Variants in PHC3 observed in about 807,000 individuals in gnomAD.
The protein encoded by PHC3 is polyhomeotic-like protein 3.
In PHC3, 13 loss-of-function variants were observed where a neutral mutation model predicts 107.4. That is an observed-to-expected ratio of 0.12 (90% confidence interval 0.08 to 0.19). The LOEUF (loss-of-function observed/expected upper bound fraction) is 0.19, where lower values mean the gene tolerates loss of function less well. Among genes scored for constraint, PHC3 ranks in the 10% least tolerant of loss-of-function variants. PHC3 has a pLI of 1.00. For missense variants in PHC3, 992 were observed against 1,210.9 expected, an observed-to-expected ratio of 0.82 and a Z score of 2.68; for synonymous variants, 456 against 427.4, an observed-to-expected ratio of 1.07 and a Z score of -0.83.
rs1162187672 is a variant in PHC3, at chr3:170,088,542, GAAGGA to G, written c.*8683_*8687del. The G allele has an allele frequency of 1.3e-5, 2 of 152,142 alleles. No homozygotes were observed. The highest frequency in any genetic ancestry group is 2.9e-5 in the Non-Finnish European group (2 of 67,996). 9.4% of individuals were successfully genotyped at this position (152,142 alleles called of 1,614,324 possible). ...TAGGAAAAACAAAGACCAAGCTTTTGAAGGAGAGGACTGGGAATCTAGTTTAAATG... is the reference window on the plus strand; with the variant it reads ...TAGGAAAAACAAAGACCAAGCTTTTGGAGGACTGGGAATCTAGTTTAAATG... On this transcript the variant is annotated 3_prime_UTR_variant, in exon 15 of 15. Transcript: ENST00000495893.
intron 11 of PHC3, among the ~76,000 whole-genome samples, chr3:170,111,166 C>G (rs1396623608): frequency 6.6e-6 from 1 of 151,768 alleles, no homozygotes; most frequent in Non-Finnish European, 1.5e-5. Flanking sequence ...TATTATTTTG[C>G]TATGTGTGAT....
chr3:170,165,566 A>T (rs940405034), intron 4 of PHC3, among the ~76,000 whole-genome samples: 1 of 151,864 alleles, frequency 6.6e-6, no homozygotes, highest in Non-Finnish European at 1.5e-5. Flanking sequence ...TGGCCTGGCC[A>T]AAATGGGAGA....
chr3:170,162,537 T>A lies in PHC3; in HGVS notation c.414+8836A>T, dbSNP rs1728056810. 2.0e-5 allele frequency among the ~76,000 whole-genome samples: 3 copies of A among 152,160 alleles called. No homozygotes were observed. The South Asian group carries it at 6.2e-4, about 32-fold the overall frequency. On this transcript the variant is annotated intron_variant, in intron 4 of 14. Coordinates refer to ENST00000495893, the MANE Select transcript of PHC3 (RefSeq NM_024947.4). Reference sequence around the variant, plus strand: ...ATATCCAAATTTCTATAATTAAAGGTTAAAAAAAATTTACAATCTAGCTAA... The same window carrying A: ...ATATCCAAATTTCTATAATTAAAGGATAAAAAAAATTTACAATCTAGCTAA...
chr3:170,105,356 CA>C (rs1187232610), intron 12 of PHC3, among the ~76,000 whole-genome samples: 2 of 152,026 alleles, frequency 1.3e-5, no homozygotes, highest in Non-Finnish European at 2.9e-5. Context: ...GATTGACAAC[CA>C]AAACAATGAG....
intron 6 of PHC3, among the ~76,000 whole-genome samples, chr3:170,139,285 C>T (rs1454071809): frequency 2.0e-5 from 3 of 152,144 alleles, no homozygotes; most frequent in Non-Finnish European, 2.9e-5. Context: ...TTGGTAAGCA[C>T]TTAGTTCTCT....
chr3:170,172,433 T>C, intron 3 of PHC3, 124 bp downstream of exon 3: 1 of 1,037,220 alleles, frequency 9.6e-7, no homozygotes, highest in Non-Finnish European at 1.4e-6. Flanking sequence ...TTAATATATT[T>C]CCTCCGGGAA....
intron 6 of PHC3, 140 bp downstream of exon 6, chr3:170,145,283 T>C (rs749042297): frequency 2.5e-4 from 140 of 566,660 alleles, no homozygotes; most frequent in Non-Finnish European, 3.3e-4. Context: ...GAAGTTCTCA[T>C]TGTATTTTAT....
rs181096961 is a variant in PHC3 at position 170,153,530 on chromosome 3, G to A, written c.415-4286C>T. 3.3e-3 allele frequency among the ~76,000 whole-genome samples: 502 copies of A among 152,212 alleles called. 12 individuals are homozygous for A. In the East Asian group the frequency reaches 0.077, roughly 23 times the overall value. ...TGTAATCCCAGCACTTTGGGAGGCCGAGGCGGGCGGATCACGAGGTCAGGA... is the reference window on the plus strand; with the variant it reads ...TGTAATCCCAGCACTTTGGGAGGCCAAGGCGGGCGGATCACGAGGTCAGGA... On this transcript the variant is annotated intron_variant, in intron 4 of 14. Coordinates refer to ENST00000495893, the MANE Select transcript of PHC3 (RefSeq NM_024947.4).
chr3:170,139,545 C>A (rs963002609), intron 6 of PHC3, among the ~76,000 whole-genome samples: 1 of 152,136 alleles, frequency 6.6e-6, no homozygotes, highest in Non-Finnish European at 1.5e-5. Context: ...CCGAAACCTG[C>A]AGCATATCCA....
intron 6 of PHC3, among the ~76,000 whole-genome samples, chr3:170,137,279 T>A (rs1723249039): frequency 6.6e-6 from 1 of 152,160 alleles, no homozygotes; most frequent in African/African-American, 2.4e-5. Context: ...CTGAAAAGAC[T>A]CTGCATGACC....
intron 4 of PHC3, 62 bp downstream of exon 4, chr3:170,171,311 T>A: frequency 8.3e-7 from 1 of 1,197,820 alleles, no homozygotes; most frequent in South Asian, 1.5e-5. Context: ...AACAACAGTT[T>A]ACTTTTGGAA....
At chr3:170,168,313 A>ATGTTTT (rs1450377755) in intron 4 of PHC3, among the ~76,000 whole-genome samples, 2 of 152,202 alleles carry the variant, frequency 1.3e-5, no homozygotes, top group Non-Finnish European at 2.9e-5. Context: ...TGCTGTTTTC[A>ATGTTTT]CTTTGCTTAT....
intron 1 of PHC3, 133 bp downstream of exon 1, chr3:170,181,569 G>C: frequency 7.4e-7 from 1 of 1,346,308 alleles, no homozygotes; most frequent in South Asian, 1.2e-5. Flanking sequence ...GCTCCTCCAC[G>C]ATAGGACGGG....
rs921257749 is a variant in PHC3, at chr3:170,178,888, G to A, written c.65C>T (p.Ser22Phe). Residue 22 changes from serine to phenylalanine, a missense_variant, in exon 2 of 15, where the codon TCT becomes TTT. By Grantham distance (155) the Ser-to-Phe change is radical (BLOSUM62 -2). Around this residue, in one of 6 missense-constraint regions of PHC3, gnomAD observed 161 missense variants for 183.7 expected, o/e 0.88. Coordinates refer to ENST00000495893, the MANE Select transcript of PHC3 (RefSeq NM_024947.4). ...ACTGCTGGTTGTTGTTGACACAGAA[G>A]ATGTTCCCGGGTTTGGTTCAGTATC... ...AMDTEPNPGT[S>F]SVSTTTSSTT... The A allele has an allele frequency of 6.2e-7, 1 of 1,614,000 alleles. No homozygotes were observed. Among genetic ancestry groups the A allele is most frequent in the African/African-American group, 1.3e-5 (1 of 75,056 alleles).
chr3:170,144,770 A>C (rs1724682487), intron 6 of PHC3, among the ~76,000 whole-genome samples: 1 of 152,220 alleles, frequency 6.6e-6, no homozygotes, highest in Non-Finnish European at 1.5e-5. Flanking sequence ...CAATGGCACT[A>C]TCCTAGTTCA....
chr3:170,125,036 C>A (rs1299890539), intron 8 of PHC3, among the ~76,000 whole-genome samples: 1 of 151,906 alleles, frequency 6.6e-6, no homozygotes, highest in South Asian at 2.1e-4. Flanking sequence ...TAATATTATA[C>A]CAAATATAAA....
At position 170,172,799 on chromosome 3, in the gene PHC3, T is replaced by C. The variant is rs144347228; in HGVS notation, c.181-87A>G. On this transcript the variant is annotated intron_variant, in intron 2 of 14. Coordinates refer to ENST00000495893, the MANE Select transcript of PHC3 (RefSeq NM_024947.4). ...ATCAAAGTATAAAAAAGTGGCAGTT[T>C]AAAATTTCACTGCTTTAATACATAA... 1.7e-3 allele frequency: 2,403 copies of C among 1,390,340 alleles called. 35 individuals are homozygous for C. The African/African-American group carries it at 0.03, about 17-fold the overall frequency. The allele number at this position is 1,390,340 out of a possible 1,614,324, so 86.1% of individuals were successfully genotyped here.
Position 170,102,459 on chromosome 3 carries a change from C to A in PHC3, c.2833+20G>T, listed in dbSNP as rs1381259413. On this transcript the variant is annotated intron_variant, in intron 14 of 14. Coordinates refer to ENST00000495893, the MANE Select transcript of PHC3 (RefSeq NM_024947.4). The stretch of plus-strand genomic sequence containing the variant: ...GAATGCACAAGAAAAATATTAAGGC[C>A]AAAGTGATGAATTACATACCAGGCA... The A allele has an allele frequency of 1.2e-6, 2 of 1,607,786 alleles. No homozygotes were observed. The highest frequency in any genetic ancestry group is 1.7e-6 in the Non-Finnish European group (2 of 1,176,760).
intron 8 of PHC3, among the ~76,000 whole-genome samples, chr3:170,123,356 T>TACACACAC (rs3980601): frequency 0.23 from 34,985 of 149,812 alleles, 4,749 homozygotes; most frequent in East Asian, 0.48. Context: ...TTGAAATGCA[T>TACACACAC]ACACACACAC....
Sources: gnomAD v4.1 joint callset for allele counts (sites outside exome capture counted in the v4.1 genomes callset) on GRCh38, gnomAD v4.1.1 for gene constraint, gnomAD v4.1.1 regional missense constraint, MANE v1.5 for transcripts, NCBI Gene and HGNC (gene_info 2026-07-23, HGNC 2026-07-21) for gene names.